NPR1: variants seen among roughly 807,000 people sequenced by gnomAD.
The protein encoded by NPR1 is natriuretic peptide receptor 1, also known as atrial natriuretic peptide receptor 1.
Under a neutral mutation model 116.9 loss-of-function variants are expected in NPR1, and 57 were observed. The observed-to-expected ratio is 0.49, with a 90% CI of 0.39 to 0.61. NPR1 has a LOEUF of 0.61. NPR1 is among the 20% of genes least tolerant of loss of function. The pLI is 0.00. For synonymous variants in NPR1, 555 were observed against 601.6 expected, an observed-to-expected ratio of 0.92 and a Z score of 1.13; for missense variants, 1,096 against 1,409.8, an observed-to-expected ratio of 0.78 and a Z score of 3.56.
Position 153,689,555 on chromosome 1 carries a change from C to G in NPR1, c.2757+34C>G. 1.3e-6 allele frequency: 2 copies of G among 1,586,514 alleles called. No homozygotes were observed. Among genetic ancestry groups the G allele is most frequent in the Non-Finnish European group, 1.7e-6 (2 of 1,155,112 alleles). On this transcript the variant is annotated intron_variant, in intron 18 of 21. Coordinates refer to ENST00000368680, the MANE Select transcript of NPR1 (RefSeq NM_000906.4). The surrounding 1 kb of genome is among the most constrained non-coding windows in gnomAD (Gnocchi z 5.1). Reference sequence around the variant, plus strand: ...GGGAGTGGGGATGGGAAGGGACAGACAGACATGGACAAGGTCAGAAAAAGA... The same window carrying G: ...GGGAGTGGGGATGGGAAGGGACAGAGAGACATGGACAAGGTCAGAAAAAGA...
At chr1:153,680,785 T>C in intron 2 of NPR1, 85 bp downstream of exon 2, 5 of 1,144,462 alleles carry the variant, frequency 4.4e-6, no homozygotes, top group Non-Finnish European at 6.1e-6. Flanking sequence ...TCTGAAAGAA[T>C]TCCAGAAAAG....
rs1475880518 is a variant in NPR1, at chr1:153,683,453, C to T, written c.1341C>T (p.Tyr447=). The change falls in exon 6 of 22, where the codon TAC becomes TAT. Residue 447 remains tyrosine (Y), a synonymous_variant. Coordinates refer to ENST00000368680, the MANE Select transcript of NPR1 (RefSeq NM_000906.4). ...GCAAACTGAACTGGCCCCTGGGGTA[C>T]CCTCCTCCTGACATCCCCAAATGTG... The part of the protein sequence containing the change: ...SGRKLNWPLG[Y]PPPDIPKCGF... 6.2e-7 allele frequency: 1 copy of T among 1,614,168 alleles called. No individual in the cohort carries two copies. Among genetic ancestry groups the T allele is most frequent in the Admixed American group, 1.7e-5 (1 of 60,014 alleles).
intron 5 of NPR1, among the ~76,000 whole-genome samples, chr1:153,682,834 G>A (rs183231102): frequency 2.0e-5 from 3 of 152,164 alleles, no homozygotes; most frequent in Admixed American, 6.5e-5. Context: ...GCCTGCCCTC[G>A]GGGAGCTCCG....
At chr1:153,681,326 A>T (rs751704476) in intron 3 of NPR1, 33 bp downstream of exon 3, 2 of 1,262,042 alleles carry the variant, frequency 1.6e-6, no homozygotes, top group Non-Finnish European at 2.3e-6. Flanking sequence ...TCCAGCGTGG[A>T]CCTCCAGCCC....
At position 153,688,007 on chromosome 1, in the gene NPR1, C is replaced by A. The variant is rs1466104033; in HGVS notation, c.2249-46C>A. ...CTGGTTGCCCCAGTCTCTCACTAGG[C>A]CCTTGGCCAGCCCCACCCCTCAGCT... On this transcript the variant is annotated intron_variant, in intron 14 of 21. Coordinates refer to ENST00000368680, the MANE Select transcript of NPR1 (RefSeq NM_000906.4). The A allele has an allele frequency of 3.5e-6, 5 of 1,412,988 alleles. 1 individual carries two copies. Among genetic ancestry groups the A allele is most frequent in the Non-Finnish European group, 3.9e-6 (4 of 1,014,290 alleles). 87.5% of individuals were successfully genotyped at this position (1,412,988 alleles called of 1,614,324 possible). A position where few individuals can be genotyped will look rare whatever the true frequency, so the allele number is the denominator to read the frequency against.
intron 3 of NPR1, 134 bp from the exon 4 acceptor site, chr1:153,681,570 C>A: frequency 1.1e-6 from 1 of 919,780 alleles, no homozygotes; most frequent in Non-Finnish European, 1.7e-6. Context: ...ATAGTAAAAT[C>A]TCCCTGTGAT....
Position 153,679,130 on chromosome 1 carries a change from G to A in NPR1, c.22G>A (p.Ala8Thr), listed in dbSNP as rs767857443. The A allele has an allele frequency of 1.4e-6, 2 of 1,442,092 alleles. No homozygotes were observed. The highest frequency in any genetic ancestry group is 1.4e-5 in the South Asian group (1 of 70,642). The allele number at this position is 1,442,092 out of a possible 1,614,324, so 89.3% of individuals were successfully genotyped here. Residue 8 changes from alanine (A) to threonine (T), a missense_variant, in exon 1 of 22, where the codon GCT (alanine) becomes ACT (threonine). Physicochemically the swap from Ala to Thr is moderately conservative, Grantham distance 58. Transcript: ENST00000368680. The surrounding 1 kb of genome is among the most constrained non-coding windows in gnomAD (Gnocchi z 4.2). MPGPRRPAGSRLRLLLLL... is the reference protein window; with the variant it reads MPGPRRPTGSRLRLLLLL... ...GGCCATGCCGGGGCCCCGGCGCCCC[G>A]CTGGCTCCCGCCTGCGCCTGCTCCT...
At chr1:153,683,033 T>C (rs1370038209) in intron 5 of NPR1, among the ~76,000 whole-genome samples, 2 of 152,212 alleles carry the variant, frequency 1.3e-5, no homozygotes, top group Non-Finnish European at 2.9e-5. Flanking sequence ...AAGGTGAACA[T>C]TACCTTCTCC....
rs1429961482 is a variant in NPR1, at chr1:153,684,995, G to A, written c.1516G>A (p.Glu506Lys). ...GCAGCTGGAGAAGGAACTGGCCTCG[G>A]AGCTGTGGCGGGTGCGCTGGGAGGA... ...KMQLEKELAS[E>K]LWRVRWEDVE... The change falls in exon 8 of 22, where the codon GAG becomes AAG. Residue 506 changes from glutamate (E) to lysine (K), a missense_variant. Transcript: ENST00000368680. 2 of 1,614,046 alleles carry A rather than the reference G, an allele frequency of 1.2e-6. No individual in the cohort carries two copies. Among genetic ancestry groups the A allele is most frequent in the Non-Finnish European group, 1.7e-6 (2 of 1,180,016 alleles).
chr1:153,681,648 C>T, intron 3 of NPR1, 56 bp from the exon 4 acceptor site: 3 of 1,587,486 alleles, frequency 1.9e-6, no homozygotes, highest in Non-Finnish European at 2.6e-6. Flanking sequence ...CCCCACAGCT[C>T]CCACCTCCAT....
In NPR1 at chr1:153,679,183, G is replaced by A. The variant is rs1214584325; in HGVS notation, c.75G>A (p.Leu25=). 2 of 1,507,908 alleles carry A rather than the reference G, an allele frequency of 1.3e-6. No homozygotes were observed. The highest frequency in any genetic ancestry group is 1.8e-6 in the Non-Finnish European group (2 of 1,133,908). 93.4% of individuals were successfully genotyped at this position (1,507,908 alleles called of 1,614,324 possible). A position where few individuals can be genotyped will look rare whatever the true frequency, so the allele number is the denominator to read the frequency against. ...TCCTGCTGCTGCCGCCGCTGCTGCT[G>A]CTGCTCCGGGGCAGCCACGCGGGCA... ...LLLLLLPPLL[L]LLRGSHAGNL... The change falls in exon 1 of 22, where the codon CTG becomes CTA. Residue 25 remains leucine, a synonymous_variant. Coordinates refer to ENST00000368680, the MANE Select transcript of NPR1 (RefSeq NM_000906.4). This position sits in a 1 kb window ranked among gnomAD's most constrained non-coding sequence, Gnocchi z 4.2.
chr1:153,691,677 A>G (rs1267950829), intron 20 of NPR1, among the ~76,000 whole-genome samples: 1 of 152,106 alleles, frequency 6.6e-6, no homozygotes, highest in East Asian at 1.9e-4. Flanking sequence ...TGGGCAGATC[A>G]CTTGAGGCCA....
rs1164767354 is a variant in NPR1, at chr1:153,687,619, A to G, written c.2093-15A>G. The G allele has an allele frequency of 1.9e-6, 3 of 1,563,002 alleles. No individual in the cohort carries two copies. Among genetic ancestry groups the G allele is most frequent in the Non-Finnish European group, 1.7e-6 (2 of 1,149,978 alleles). ...GGGCTCCCTCACTCGGTGACTACCG[A>G]CCTCTGACCCACAGAAAAGCTGTGG... On this transcript the variant is annotated splice_polypyrimidine_tract_variant and intron_variant, in intron 13 of 21. Transcript: ENST00000368680.
chr1:153,689,472 A>T lies in NPR1; in HGVS notation c.2708A>T (p.Asp903Val). The change falls in exon 18 of 22, where the codon GAC becomes GTC. Residue 903 changes from aspartate to valine, a missense_variant. Asp to Val is a radical substitution (Grantham distance 152). Transcript: ENST00000368680. The surrounding 1 kb of genome is among the most constrained non-coding windows in gnomAD (Gnocchi z 5.1). ...TTCCAGGTGGTGACCCTGCTCAATG[A>T]CCTGTACACTTGCTTTGATGCTGTC... ...TPMQVVTLLN[D>V]LYTCFDAVID... is the part of the protein sequence containing the mutation. The T allele has an allele frequency of 6.2e-7, 1 of 1,614,012 alleles. No individual in the cohort carries two copies. Among genetic ancestry groups the T allele is most frequent in the Non-Finnish European group, 8.5e-7 (1 of 1,179,982 alleles).
chr1:153,683,678 A>G, intron 6 of NPR1, 62 bp from the exon 7 acceptor site: 4 of 1,572,216 alleles, frequency 2.5e-6, no homozygotes, highest in Non-Finnish European at 3.5e-6. Context: ...ACTATTAGAA[A>G]GTTCTTCCTC....
rs1669677476 is a variant in NPR1 at position 153,678,976 on chromosome 1, G to A, written c.-133G>A. On this transcript the variant is annotated 5_prime_UTR_variant, in exon 1 of 22. Transcript: ENST00000368680. This position sits in a 1 kb window ranked among gnomAD's most constrained non-coding sequence, Gnocchi z 5.8. ...CAGCTACAGGGGGCCTCGAGCCCCG[G>A]GGTGAGCGTCCCCGTCCCGCTCCTG... The A allele has an allele frequency of 1.7e-6, 2 of 1,183,912 alleles. No individual in the cohort carries two copies. Among genetic ancestry groups the A allele is most frequent in the African/African-American group, 1.6e-5 (1 of 61,580 alleles). The allele number at this position is 1,183,912 out of a possible 1,614,324, so 73.3% of individuals were successfully genotyped here. A position where few individuals can be genotyped will look rare whatever the true frequency, so the allele number is the denominator to read the frequency against.
Position 153,693,501 on chromosome 1 carries a change from C to T in NPR1, c.*87C>T. On this transcript the variant is annotated 3_prime_UTR_variant, in exon 22 of 22. Transcript: ENST00000368680. ...AGGCCTCAGCCTCACCCACAGCAGC[C>T]CCATCGCCAAAGGATGGAAGTAATT... 8.2e-7 allele frequency: 1 copy of T among 1,213,236 alleles called. No homozygotes were observed. The allele number at this position is 1,213,236 out of a possible 1,614,324, so 75.2% of individuals were successfully genotyped here.
intron 10 of NPR1, 138 bp downstream of exon 10, chr1:153,686,338 TCA>T: frequency 1.2e-6 from 1 of 826,854 alleles, no homozygotes; most frequent in Non-Finnish European, 2.0e-6. Flanking sequence ...GGATGGACCT[TCA>T]TCTTGTGGGT....
In NPR1 at chr1:153,689,122, C is replaced by A. The variant is rs375117744; in HGVS notation, c.2564+23C>A. The A allele has an allele frequency of 5.8e-5, 94 of 1,613,782 alleles. No homozygotes were observed. In the South Asian group the frequency reaches 8.3e-4, roughly 14 times the overall value. Reference sequence around the variant, plus strand: ...TCAGTGAGTGCCTGAGTCTGGGGACCCCCCCCAACACAAAGCCCCTGTCCC... The same window carrying A: ...TCAGTGAGTGCCTGAGTCTGGGGACACCCCCCAACACAAAGCCCCTGTCCC... On this transcript the variant is annotated intron_variant, in intron 16 of 21. Coordinates refer to ENST00000368680, the MANE Select transcript of NPR1 (RefSeq NM_000906.4). The surrounding 1 kb of genome is among the most constrained non-coding windows in gnomAD (Gnocchi z 5.1).
Sources: allele counts gnomAD v4.1 joint callset (sites outside exome capture counted in the v4.1 genomes callset), GRCh38; gene constraint gnomAD v4.1.1; non-coding constraint Gnocchi (gnomAD v3.1); transcripts MANE v1.5; gene names NCBI Gene and HGNC (gene_info 2026-07-23, HGNC 2026-07-21).